SLC49A4: variants seen among roughly 807,000 people sequenced by gnomAD.
The protein encoded by SLC49A4 is solute carrier family 49 member 4, also known as disrupted in renal cancer protein 2.
Under a neutral mutation model 50.6 loss-of-function variants are expected in SLC49A4, and 36 were observed. The observed-to-expected ratio is 0.71, with a 90% CI of 0.55 to 0.94. SLC49A4 has a LOEUF of 0.94. SLC49A4 is among the 40% of genes least tolerant of loss of function. SLC49A4 has a pLI of 0.00. For missense variants in SLC49A4, 503 were observed against 605.7 expected, an observed-to-expected ratio of 0.83 and a Z score of 1.78; for synonymous variants, 248 against 241.2, an observed-to-expected ratio of 1.03 and a Z score of -0.26.
intron 4 of SLC49A4, among the ~76,000 whole-genome samples, chr3:122,836,916 A>G (rs1423984332): frequency 6.6e-6 from 1 of 152,196 alleles, no homozygotes; most frequent in African/African-American, 2.4e-5. Context: ...TTATACACCA[A>G]TAGCAGACAA....
At chr3:122,862,729 T>G (rs1422843229) in intron 7 of SLC49A4, among the ~76,000 whole-genome samples, 1 of 152,226 alleles carries the variant, frequency 6.6e-6, no homozygotes, top group Non-Finnish European at 1.5e-5. Context: ...TTCCCTTGAA[T>G]TAAGTGTAGA....
In SLC49A4 at chr3:122,837,343, G is replaced by A. The variant is rs57262844; in HGVS notation, c.833+3897G>A. The stretch of plus-strand genomic sequence containing the variant: ...AAGGCTACAGTAACCAAAACAGCAT[G>A]GTACTGGTACCAAACAGAGATATAG... On this transcript the variant is annotated intron_variant, in intron 4 of 8. Coordinates refer to ENST00000261038, the MANE Select transcript of SLC49A4 (RefSeq NM_032839.3). Among the ~76,000 whole-genome samples the A allele has an allele frequency of 8.5e-3, 1,292 of 152,256 alleles. 16 individuals carry two copies. The highest frequency in any genetic ancestry group is 0.029 in the African/African-American group (1,203 of 41,542).
At chr3:122,875,365 G>C (rs138234613) in intron 8 of SLC49A4, among the ~76,000 whole-genome samples, 15 of 152,058 alleles carry the variant, frequency 9.9e-5, no homozygotes, top group African/African-American at 3.6e-4. Context: ...TTTTAGGGGT[G>C]GGGGAGACAG....
At chr3:122,811,379 TAGC>T (rs777282559) in intron 2 of SLC49A4, among the ~76,000 whole-genome samples, 12 of 152,276 alleles carry the variant, frequency 7.9e-5, no homozygotes, top group South Asian at 2.1e-4. Context: ...AAAATTAAAA[TAGC>T]AGACAGATGT....
At chr3:122,875,758 T>C (rs1199633510) in intron 8 of SLC49A4, among the ~76,000 whole-genome samples, 1 of 152,238 alleles carries the variant, frequency 6.6e-6, no homozygotes, top group Non-Finnish European at 1.5e-5. Context: ...CAGTGTGCTA[T>C]CTGATAAATG....
chr3:122,796,545 C>T (rs1000643683), intron 1 of SLC49A4, among the ~76,000 whole-genome samples: 1 of 152,092 alleles, frequency 6.6e-6, no homozygotes, highest in Admixed American at 6.5e-5. Flanking sequence ...CGGGTGAGGG[C>T]CTGCTTCCTA....
At chr3:122,820,219 A>G (rs1270711516) in intron 2 of SLC49A4, among the ~76,000 whole-genome samples, 2 of 152,236 alleles carry the variant, frequency 1.3e-5, no homozygotes, top group Non-Finnish European at 2.9e-5. Flanking sequence ...GAATGGGATC[A>G]TGTGAGAGAG....
intron 1 of SLC49A4, among the ~76,000 whole-genome samples, chr3:122,802,908 T>G (rs1936154457): frequency 6.6e-6 from 1 of 151,678 alleles, no homozygotes; most frequent in South Asian, 2.1e-4. Flanking sequence ...AAAACATGAG[T>G]ATCGGTGAGC....
chr3:122,797,397 T>C (rs1245371606), intron 1 of SLC49A4, among the ~76,000 whole-genome samples: 1 of 152,228 alleles, frequency 6.6e-6, no homozygotes, highest in East Asian at 1.9e-4. Flanking sequence ...AGGCAAGATA[T>C]AGACTATGTG....
At chr3:122,805,702 G>A (rs991702866) in intron 1 of SLC49A4, among the ~76,000 whole-genome samples, 8 of 152,162 alleles carry the variant, frequency 5.3e-5, no homozygotes, top group African/African-American at 1.4e-4. Flanking sequence ...TAACAGAGGC[G>A]TAGCATTCCA....
chr3:122,854,717 T>G (rs1024355001), intron 5 of SLC49A4, among the ~76,000 whole-genome samples: 4 of 152,198 alleles, frequency 2.6e-5, no homozygotes, highest in Admixed American at 6.5e-5. Flanking sequence ...AACTGGGACA[T>G]GTCATCTAGC....
At chr3:122,842,049 G>T (rs1457209104) in intron 4 of SLC49A4, among the ~76,000 whole-genome samples, 1 of 152,080 alleles carries the variant, frequency 6.6e-6, no homozygotes, top group Admixed American at 6.5e-5. Context: ...TTTTTTCCAT[G>T]CAAACCTAGC....
intron 4 of SLC49A4, among the ~76,000 whole-genome samples, chr3:122,834,728 AAAATT>A (rs1936654450): frequency 6.6e-6 from 1 of 152,106 alleles, no homozygotes; most frequent in South Asian, 2.1e-4. Flanking sequence ...AGAACTAAAT[AAAATT>A]GAAACAAAAA....
intron 6 of SLC49A4, 54 bp downstream of exon 6, chr3:122,856,428 A>G: frequency 6.8e-7 from 1 of 1,469,144 alleles, no homozygotes; most frequent in Admixed American, 1.8e-5. Flanking sequence ...AAAAAGCCTA[A>G]AGATAAATAG....
At chr3:122,826,703 A>T in intron 2 of SLC49A4, 97 bp from the exon 3 acceptor site, 1 of 1,211,012 alleles carries the variant, frequency 8.3e-7, no homozygotes, top group Non-Finnish European at 1.2e-6. Flanking sequence ...ATGTATACTT[A>T]TTGCCATAGT....
rs148636311 is a variant in SLC49A4, at chr3:122,797,421, A to G, written c.343+1886A>G. On this transcript the variant is annotated intron_variant, in intron 1 of 8. Coordinates refer to ENST00000261038, the MANE Select transcript of SLC49A4 (RefSeq NM_032839.3). ...ATAGACTATGTGAAGATCAAGTCAAAGAGGAATTCGACTTATGTGTTGTTC... is the reference window on the plus strand; with the variant it reads ...ATAGACTATGTGAAGATCAAGTCAAGGAGGAATTCGACTTATGTGTTGTTC... 9.2e-5 allele frequency among the ~76,000 whole-genome samples: 14 copies of G among 152,370 alleles called. No homozygotes were observed. In the East Asian group the frequency reaches 2.5e-3, roughly 27 times the overall value.
At chr3:122,808,953 G>A (rs1057504304) in intron 2 of SLC49A4, among the ~76,000 whole-genome samples, 1 of 152,190 alleles carries the variant, frequency 6.6e-6, no homozygotes, top group Non-Finnish European at 1.5e-5. Context: ...GGGAAGTTGG[G>A]GGAATGGAAA....
chr3:122,802,395 A>G (rs1417747085), intron 1 of SLC49A4, among the ~76,000 whole-genome samples: 5 of 152,188 alleles, frequency 3.3e-5, no homozygotes, highest in Admixed American at 3.3e-4. Context: ...CTTAAGGTAT[A>G]AAACAACAGA....
intron 7 of SLC49A4, among the ~76,000 whole-genome samples, chr3:122,871,254 G>A (rs760693583): frequency 8.6e-5 from 13 of 151,930 alleles, no homozygotes; most frequent in Admixed American, 1.3e-4. Flanking sequence ...TATAATCCCC[G>A]AAGACTAATG....
Sources: gnomAD v4.1 joint callset for allele counts (sites outside exome capture counted in the v4.1 genomes callset) on GRCh38, gnomAD v4.1.1 for gene constraint, MANE v1.5 for transcripts, NCBI Gene and HGNC (gene_info 2026-07-23, HGNC 2026-07-21) for gene names.